SMG6: variants seen among roughly 807,000 people sequenced by gnomAD.
SMG6 encodes SMG6 nonsense mediated mRNA decay factor, also known as telomerase-binding protein EST1A.
In SMG6, 66 loss-of-function variants were observed where a neutral mutation model predicts 142.2. That is an observed-to-expected ratio of 0.46 (90% CI 0.38 to 0.57). The LOEUF is 0.57. SMG6 is among the 20% of genes least tolerant of loss of function. The pLI is 0.00. For missense variants in SMG6, 1,793 were observed against 1,832.0 expected (o/e 0.98, Z 0.39); for synonymous variants, 779 against 702.4 (o/e 1.11, Z -1.72).
chr17:2,121,587 C>CTGTGTGTG lies in SMG6; in HGVS notation c.3358-35694_3358-35687dup, dbSNP rs71150850. Among the ~76,000 whole-genome samples the CTGTGTGTG allele has an allele frequency of 2.0e-3, 273 of 139,834 alleles. 2 individuals are homozygous for CTGTGTGTG. Among genetic ancestry groups the CTGTGTGTG allele is most frequent in the African/African-American group, 5.7e-3 (214 of 37,746 alleles). 91.7% of individuals were successfully genotyped at this position (139,834 alleles called of 152,430 possible). ...TATATGTATATATGTACATGTCTGT[C>CTGTGTGTG]TGTGTGTGTGTGTGTGTGTGTGTGT... On this transcript the variant is annotated intron_variant, in intron 13 of 18. Coordinates refer to ENST00000263073, the MANE Select transcript of SMG6 (RefSeq NM_017575.5).
chr17:2,287,928 T>A (rs913769044), intron 6 of SMG6, among the ~76,000 whole-genome samples: 4 of 152,170 alleles, frequency 2.6e-5, no homozygotes, highest in African/African-American at 9.7e-5. Flanking sequence ...TTAATAGATA[T>A]GGAGTTCCAG....
At chr17:2,236,074 GAACA>G (rs1192552078) in intron 10 of SMG6, 1 of 152,846 alleles carries the variant, frequency 6.5e-6, no homozygotes. Context: ...TTTCCATATT[GAACA>G]AACAGGGTAC....
rs1351809032 is a variant in SMG6, at chr17:2,085,414, G to A, written c.3534+311C>T. On this transcript the variant is annotated intron_variant, in intron 14 of 18. Coordinates refer to ENST00000263073, the MANE Select transcript of SMG6 (RefSeq NM_017575.5). This position sits in a 1 kb window ranked among gnomAD's most constrained non-coding sequence, Gnocchi z 4.1. ...TCCACACATCTATAAACTTGATCCTGACCACCCCCCTCTCCCTTTCCTAAG... is the reference window on the plus strand; with the variant it reads ...TCCACACATCTATAAACTTGATCCTAACCACCCCCCTCTCCCTTTCCTAAG... Among the ~76,000 whole-genome samples, 1 of 152,084 alleles carries A rather than the reference G, an allele frequency of 6.6e-6. No individual in the cohort carries two copies. The highest frequency in any genetic ancestry group is 1.9e-4 in the East Asian group (1 of 5,190).
At chr17:2,110,170 G>A (rs888325823) in intron 13 of SMG6, among the ~76,000 whole-genome samples, 3 of 151,336 alleles carry the variant, frequency 2.0e-5, no homozygotes, top group Non-Finnish European at 2.9e-5. Flanking sequence ...TCTTGCTGCT[G>A]ACAAAGTACC....
chr17:2,236,473 G>A lies in SMG6; in HGVS notation c.2869+19C>T. ...TCTATCTGTCTATATTCTAGATGAA[G>A]AAACTAAACATGCCTTACCTTTCAG... is the stretch of plus-strand genomic sequence containing the variant. On this transcript the variant is annotated intron_variant, in intron 10 of 18. Coordinates refer to ENST00000263073, the MANE Select transcript of SMG6 (RefSeq NM_017575.5). The A allele has an allele frequency of 1.9e-6, 3 of 1,607,392 alleles. No individual in the cohort carries two copies. The highest frequency in any genetic ancestry group is 2.6e-6 in the Non-Finnish European group (3 of 1,176,320).
rs150093291 is a variant in SMG6 at position 2,078,741 on chromosome 17, G to T, written c.3681+3069C>A. Among the ~76,000 whole-genome samples the T allele has an allele frequency of 1.6e-4, 25 of 152,230 alleles. No individual in the cohort carries two copies. The East Asian group carries it at 4.4e-3, about 27-fold the overall frequency. ...AAGGAGTAAAAGGAAGGATGGAGGA[G>T]ACCAAAAAAAGAATGGTGGTGAGGA... On this transcript the variant is annotated intron_variant, in intron 15 of 18. Transcript: ENST00000263073.
At chr17:2,070,891 G>T (rs776736695) in intron 15 of SMG6, among the ~76,000 whole-genome samples, 4 of 152,200 alleles carry the variant, frequency 2.6e-5, no homozygotes, top group Non-Finnish European at 5.9e-5. Context: ...TGGGCAGTTT[G>T]TAAGAACAGG....
At chr17:2,070,346 G>A (rs1412024927) in intron 15 of SMG6, among the ~76,000 whole-genome samples, 1 of 152,244 alleles carries the variant, frequency 6.6e-6, no homozygotes, top group Admixed American at 6.5e-5. Flanking sequence ...TGCTCCCTGA[G>A]TAGGGAGGTG....
intron 10 of SMG6, among the ~76,000 whole-genome samples, chr17:2,216,425 T>C (rs930077649): frequency 3.9e-5 from 6 of 152,196 alleles, no homozygotes. Context: ...ACTGTAACAT[T>C]ACCATCTCAA....
chr17:2,169,852 T>G (rs1365004751), intron 13 of SMG6, among the ~76,000 whole-genome samples: 1 of 151,058 alleles, frequency 6.6e-6, no homozygotes, highest in South Asian at 2.1e-4. Flanking sequence ...GACTGAAGAG[T>G]AGAAGGGGGA....
intron 8 of SMG6, among the ~76,000 whole-genome samples, chr17:2,273,807 A>C (rs188292233): frequency 6.6e-6 from 1 of 151,980 alleles, no homozygotes; most frequent in Non-Finnish European, 1.5e-5. Context: ...AAAAAAAAAA[A>C]CCCAAAAAAA....
chr17:2,258,028 A>ATATATATATAT (rs1260585332), intron 8 of SMG6, among the ~76,000 whole-genome samples: 1 of 107,972 alleles, frequency 9.3e-6, no homozygotes, highest in African/African-American at 3.2e-5. Context: ...AAAAAAAAAA[A>ATATATATATAT]AAAAAAATAT....
chr17:2,093,386 G>A (rs1439909499), intron 13 of SMG6, among the ~76,000 whole-genome samples: 2 of 152,078 alleles, frequency 1.3e-5, no homozygotes, highest in African/African-American at 4.8e-5. Context: ...GCACGCCACT[G>A]CACTCTAGCC....
chr17:2,185,448 G>A (rs887135057), intron 12 of SMG6, among the ~76,000 whole-genome samples: 2 of 151,990 alleles, frequency 1.3e-5, no homozygotes, highest in Admixed American at 6.6e-5. Flanking sequence ...TTATGTCACC[G>A]AACTTAGAAA....
At chr17:2,241,954 A>T (rs1178838343) in intron 9 of SMG6, among the ~76,000 whole-genome samples, 1 of 152,194 alleles carries the variant, frequency 6.6e-6, no homozygotes, top group Non-Finnish European at 1.5e-5. Flanking sequence ...AACACGTGGC[A>T]ATGTCTGGAG....
chr17:2,165,283 GAA>G (rs11354589), intron 13 of SMG6, among the ~76,000 whole-genome samples: 1,539 of 146,400 alleles, frequency 0.011, 31 homozygotes, highest in African/African-American at 0.035. Flanking sequence ...GAAAGAGACT[GAA>G]AAAAAAAAAA....
chr17:2,076,530 G>A (rs1237206528), intron 15 of SMG6, among the ~76,000 whole-genome samples: 1 of 152,184 alleles, frequency 6.6e-6, no homozygotes, highest in Non-Finnish European at 1.5e-5. Flanking sequence ...TGGCCTGAGG[G>A]CACACATGTG....
intron 17 of SMG6, 69 bp from the exon 18 acceptor site, chr17:2,065,223 T>C: frequency 9.8e-4 from 989 of 1,004,750 alleles, no homozygotes; most frequent in Non-Finnish European, 1.4e-3. Context: ...GGAGGAGGGA[T>C]CCTCTGCCTC....
Position 2,299,120 on chromosome 17 carries a change from G to T in SMG6, c.1633C>A (p.Pro545Thr). ...TGTCCTGACGGAGTCGGGTAGCCTG[G>T]GTAGTAAGGCCCTGGGTACACACCA... ...TNGVYPGPYY[P>T]GYPTPSGQYV... Residue 545 changes from proline to threonine, a missense_variant, in exon 2 of 19, where the codon CCA (proline) becomes ACA (threonine). Around this residue, in one of 3 missense-constraint regions of SMG6, gnomAD observed 1,597 missense variants for 1,584.6 expected, o/e 1.01. Transcript: ENST00000263073. The surrounding 1 kb of genome is among the most constrained non-coding windows in gnomAD (Gnocchi z 4.3). The T allele has an allele frequency of 6.2e-7, 1 of 1,614,010 alleles. No homozygotes were observed. The highest frequency in any genetic ancestry group is 8.5e-7 in the Non-Finnish European group (1 of 1,179,918).
Sources: allele counts gnomAD v4.1 joint callset (sites outside exome capture counted in the v4.1 genomes callset), GRCh38; gene constraint gnomAD v4.1.1; regional missense constraint gnomAD v4.1.1; non-coding constraint Gnocchi (gnomAD v3.1); transcripts MANE v1.5; gene names NCBI Gene and HGNC (gene_info 2026-07-23, HGNC 2026-07-21).